Variants in LOC400499 observed in about 807,000 individuals in gnomAD.
chr16:11,432,218 C>A, the LOC400499 span, among the ~76,000 whole-genome samples: 1 of 152,236 alleles, frequency 6.6e-6, no homozygotes, highest in Non-Finnish European at 1.5e-5. Flanking sequence ...CAGAGAATGA[C>A]CCCTGCCAAA....
the LOC400499 span, chr16:11,478,419 C>T: frequency 2.0e-5 from 8 of 397,800 alleles, no homozygotes; most frequent in Non-Finnish European, 3.5e-5. Flanking sequence ...AGGAGGTAAA[C>T]GGAAGAGCTG....
chr16:11,389,955 C>T, the LOC400499 span: 1 of 455,644 alleles, frequency 2.2e-6, no homozygotes, highest in Non-Finnish European at 3.6e-6. Context: ...GGAAGAAAGC[C>T]CAGCTTCCTC....
the LOC400499 span, among the ~76,000 whole-genome samples, chr16:11,376,356 T>A: frequency 8.3e-6 from 1 of 119,992 alleles, no homozygotes; most frequent in African/African-American, 2.7e-5. Flanking sequence ...AGGTTTTCTT[T>A]TTTTTTTTTC....
At chr16:11,447,795 T>G in the LOC400499 span, 1 of 1,194,684 alleles carries the variant, frequency 8.4e-7, no homozygotes, top group Non-Finnish European at 1.1e-6. Context: ...TTCTCTGGGA[T>G]TTAGGTTCCA....
chr16:11,488,024 G>C, the LOC400499 span, among the ~76,000 whole-genome samples: 1 of 151,250 alleles, frequency 6.6e-6, no homozygotes, highest in African/African-American at 2.4e-5. Flanking sequence ...GGCTGAGGTA[G>C]AAGAATCACT....
chr16:11,443,491 A>AAAGAGGGAGAGAGAG, the LOC400499 span: 1 of 132,234 alleles, frequency 7.6e-6, no homozygotes, highest in African/African-American at 6.8e-5. Context: ...AAAAAAAAAA[A>AAAGAGGGAGAGAGAG]AGAGAGAGAG....
the LOC400499 span, among the ~76,000 whole-genome samples, chr16:11,381,505 ATCTTTCCATCTTCTTAATAGAG>A: frequency 6.6e-6 from 1 of 152,240 alleles, no homozygotes. Context: ...TCTGTAGCTT[ATCTTTCCATCTTCTTAATAGAG>A]TCTTTCAGAC....
the LOC400499 span, chr16:11,471,698 G>A: frequency 5.3e-4 from 210 of 399,184 alleles, 1 homozygote; most frequent in African/African-American, 3.6e-3. Flanking sequence ...TACTGTCGGA[G>A]CCCCGGGTCC....
At chr16:11,498,346 G>C in the LOC400499 span, among the ~76,000 whole-genome samples, 1 of 152,088 alleles carries the variant, frequency 6.6e-6, no homozygotes, top group South Asian at 2.1e-4. Flanking sequence ...AGCCGGGCCT[G>C]GTGGTGTGCA....
At chr16:11,487,132 T>C in the LOC400499 span, 3 of 396,912 alleles carry the variant, frequency 7.6e-6, no homozygotes, top group Admixed American at 8.8e-5. Context: ...GGTGGGTGAC[T>C]AGATATTAGG....
the LOC400499 span, chr16:11,393,460 C>G: frequency 1.9e-5 from 23 of 1,232,246 alleles, no homozygotes; most frequent in Non-Finnish European, 2.3e-5. Flanking sequence ...ACTTTCTCCT[C>G]TCTGTTGTCC....
the LOC400499 span, among the ~76,000 whole-genome samples, chr16:11,403,834 C>A: frequency 9.2e-6 from 1 of 108,622 alleles, no homozygotes; most frequent in Admixed American, 9.1e-5. Context: ...CCCCTGGCAC[C>A]ACAACTGCCC....
the LOC400499 span, among the ~76,000 whole-genome samples, chr16:11,422,651 C>T: frequency 1.3e-5 from 2 of 152,124 alleles, no homozygotes; most frequent in Non-Finnish European, 2.9e-5. Context: ...TGTCAGGCCC[C>T]GTCTCAAACC....
At chr16:11,449,853 T>G in the LOC400499 span, among the ~76,000 whole-genome samples, 1 of 152,298 alleles carries the variant, frequency 6.6e-6, no homozygotes, top group Admixed American at 6.5e-5. Context: ...TCAGCAAATC[T>G]GGCATCTCCA....
chr16:11,396,536 G>A, the LOC400499 span: 27 of 1,232,094 alleles, frequency 2.2e-5, no homozygotes, highest in Admixed American at 8.4e-5. Flanking sequence ...GAAGTCAGCT[G>A]AACGAGGCCT....
chr16:11,425,390 G>C, the LOC400499 span: 1 of 399,378 alleles, frequency 2.5e-6, no homozygotes, highest in Non-Finnish European at 4.4e-6. Context: ...GGTCCCGCAG[G>C]AGGAAGCCCA....
the LOC400499 span, chr16:11,460,928 T>C: frequency 2.0e-6 from 3 of 1,497,968 alleles, no homozygotes; most frequent in Non-Finnish European, 2.7e-6. Context: ...CCCTGCCACC[T>C]CCACCTGCCC....
chr16:11,456,883 G>T, the LOC400499 span: 1 of 1,536,236 alleles, frequency 6.5e-7, no homozygotes, highest in Non-Finnish European at 8.7e-7. Flanking sequence ...AGGGTGGCCC[G>T]AGATGTGTCC....
At chr16:11,426,577 T>A in the LOC400499 span, among the ~76,000 whole-genome samples, 1 of 151,954 alleles carries the variant, frequency 6.6e-6, no homozygotes, top group African/African-American at 2.4e-5. Context: ...TATTCAATAT[T>A]ATATACTGTA....
Sources: allele counts gnomAD v4.1 joint callset (sites outside exome capture counted in the v4.1 genomes callset), GRCh38; gene constraint gnomAD v4.1.1; transcripts MANE v1.5.